The following NR3C1 variants were observed in gnomAD, a reference collection of about 807,000 sequenced individuals.
NR3C1 encodes nuclear receptor subfamily 3 group C member 1.
In NR3C1, 14 loss-of-function variants were observed where a neutral mutation model predicts 74.0. That is an observed-to-expected ratio of 0.19 (90% CI 0.12 to 0.30). The LOEUF (loss-of-function observed/expected upper bound fraction) is 0.30, where lower values mean the gene tolerates loss of function less well. Among genes scored for constraint, NR3C1 ranks in the 10% least tolerant of loss-of-function variants. The pLI is 1.00. For missense variants in NR3C1, 695 were observed against 909.8 expected, an observed-to-expected ratio of 0.76 and a Z score of 3.04; for synonymous variants, 308 against 332.5, an observed-to-expected ratio of 0.93 and a Z score of 0.80.
intron 2 of NR3C1, among the ~76,000 whole-genome samples, chr5:143,322,724 C>T (rs143930162): frequency 6.6e-6 from 1 of 152,272 alleles, no homozygotes; most frequent in African/African-American, 2.4e-5. Context: ...GGAAAAGGAA[C>T]CCTCAGAACC....
At chr5:143,404,402 G>A, upstream of NR3C1, 1 of 985,508 alleles carries the variant, frequency 1.0e-6, no homozygotes, top group Non-Finnish European at 1.2e-6. Flanking sequence ...GTCGCGTGCC[G>A]GCAGGTCCCC....
At chr5:143,310,388 A>G (rs1257671359) in intron 3 of NR3C1, among the ~76,000 whole-genome samples, 175 bp from the exon 4 acceptor site, 2 of 152,196 alleles carry the variant, frequency 1.3e-5, no homozygotes, top group African/African-American at 4.8e-5. Flanking sequence ...AAACAACAAA[A>G]AGAGTCTCCC....
intron 1 of NR3C1, among the ~76,000 whole-genome samples, chr5:143,421,246 C>A (rs934873455): frequency 2.0e-5 from 3 of 152,274 alleles, no homozygotes; most frequent in East Asian, 3.9e-4. Context: ...CCTAACACTC[C>A]TGCCAAAGTG....
intron 2 of NR3C1, among the ~76,000 whole-genome samples, chr5:143,395,027 C>T (rs576574205): frequency 6.6e-6 from 1 of 152,054 alleles, no homozygotes; most frequent in Non-Finnish European, 1.5e-5. Context: ...AATTAGGTGT[C>T]TGGGGGTTAA....
At chr5:143,310,073 A>C in intron 4 of NR3C1, 24 bp downstream of exon 4, 1 of 1,520,262 alleles carries the variant, frequency 6.6e-7, no homozygotes, top group Non-Finnish European at 9.1e-7. Flanking sequence ...GAGACAAACA[A>C]TTGCTTTCAG....
intron 2 of NR3C1, among the ~76,000 whole-genome samples, chr5:143,324,663 A>G (rs1412300799): frequency 6.6e-6 from 1 of 152,190 alleles, no homozygotes; most frequent in African/African-American, 2.4e-5. Context: ...TTTCTTCTCA[A>G]AAAATGGGTT....
At chr5:143,359,900 A>T (rs1831911758) in intron 2 of NR3C1, among the ~76,000 whole-genome samples, 1 of 152,252 alleles carries the variant, frequency 6.6e-6, no homozygotes, top group African/African-American at 2.4e-5. Flanking sequence ...CCTGGGCCAC[A>T]GAACGAGACT....
upstream of NR3C1, chr5:143,407,286 G>C (rs2151953572): frequency 6.6e-6 from 1 of 152,240 alleles, no homozygotes. Context: ...ACTTTTACTG[G>C]GTTATTGTTG....
At chr5:143,397,188 C>G (rs956039499) in intron 2 of NR3C1, among the ~76,000 whole-genome samples, 1 of 151,586 alleles carries the variant, frequency 6.6e-6, no homozygotes, top group Non-Finnish European at 1.5e-5. Context: ...TTTAAGTATT[C>G]TGATAAAAAC....
intron 1 of NR3C1, chr5:143,402,684 C>T (rs903583985): frequency 3.0e-6 from 3 of 985,430 alleles, no homozygotes; most frequent in Non-Finnish European, 3.6e-6. Flanking sequence ...GGGCTGTCAG[C>T]CCCCCGCGTG....
At chr5:143,373,929 A>T (rs968158805) in intron 2 of NR3C1, among the ~76,000 whole-genome samples, 10 of 152,282 alleles carry the variant, frequency 6.6e-5, no homozygotes, top group African/African-American at 1.9e-4. Flanking sequence ...AAAAAAATTT[A>T]AAAAATATGA....
chr5:143,413,388 G>T (rs1475301493), intron 1 of NR3C1, among the ~76,000 whole-genome samples: 1 of 151,910 alleles, frequency 6.6e-6, no homozygotes, highest in Non-Finnish European at 1.5e-5. Flanking sequence ...ACATTCATTA[G>T]GTCATTTTTT....
exon 1 of NR3C1, chr5:143,435,446 G>A (rs878925988): frequency 6.1e-5 from 60 of 985,380 alleles, no homozygotes; most frequent in East Asian, 1.1e-4. Context: ...GAATGAGGGC[G>A]AGAGGGAGCA....
chr5:143,352,061 C>T (rs1270277614), intron 2 of NR3C1, among the ~76,000 whole-genome samples: 1 of 152,158 alleles, frequency 6.6e-6, no homozygotes, highest in Admixed American at 6.5e-5. Context: ...CCCTTCACAA[C>T]ATTCCTAGTC....
chr5:143,321,562 A>C (rs1561560946), intron 2 of NR3C1, among the ~76,000 whole-genome samples: 1 of 152,172 alleles, frequency 6.6e-6, no homozygotes, highest in Non-Finnish European at 1.5e-5. Flanking sequence ...CTCTTTTCTC[A>C]ACATGATTAA....
At chr5:143,423,923 T>G (rs1250262917) in intron 1 of NR3C1, among the ~76,000 whole-genome samples, 1 of 150,978 alleles carries the variant, frequency 6.6e-6, no homozygotes. Context: ...AGAATGATGG[T>G]TACTAGGGTC....
intron 2 of NR3C1, among the ~76,000 whole-genome samples, chr5:143,398,180 T>C (rs1406276499): frequency 1.3e-5 from 2 of 151,968 alleles, no homozygotes; most frequent in Non-Finnish European, 2.9e-5. Flanking sequence ...AGCATGTCTT[T>C]TAGCATTTAA....
intron 7 of NR3C1, among the ~76,000 whole-genome samples, chr5:143,285,042 C>T (rs891205513): frequency 1.5e-5 from 2 of 130,646 alleles, no homozygotes; most frequent in East Asian, 2.2e-4. Context: ...CTACTGGAAA[C>T]GAAGGAGGTA....
chr5:143,352,792 T>C (rs1830455951), intron 2 of NR3C1, among the ~76,000 whole-genome samples: 1 of 152,216 alleles, frequency 6.6e-6, no homozygotes, highest in Non-Finnish European at 1.5e-5. Flanking sequence ...GTAATCTTTT[T>C]CCTTGTGGAG....
Sources: allele counts gnomAD v4.1 joint callset (sites outside exome capture counted in the v4.1 genomes callset), GRCh38; gene constraint gnomAD v4.1.1; transcripts MANE v1.5; gene names NCBI Gene and HGNC (gene_info 2026-07-23, HGNC 2026-07-21).